Variants in GATA4 observed in about 807,000 individuals in gnomAD.
GATA4 encodes the protein transcription factor GATA-4.
Under a neutral mutation model 37.9 loss-of-function variants are expected in GATA4, and 7 were observed. The ratio of observed to expected loss-of-function variants is 0.18; its 90% CI spans 0.11 to 0.35. The LOEUF (loss-of-function observed/expected upper bound fraction) is 0.35. GATA4 is among the 10% of genes least tolerant of loss of function. GATA4 has a pLI of 1.00. For missense variants in GATA4, 647 were observed against 653.0 expected (o/e 0.99, Z 0.10); for synonymous variants, 372 against 292.6 (o/e 1.27, Z -2.77).
intron 1 of GATA4, chr8:11,681,448 C>G (rs989791433): frequency 2.0e-6 from 2 of 982,896 alleles, no homozygotes; most frequent in East Asian, 2.3e-4. Flanking sequence ...CCCGCGCAGA[C>G]GCCGGAATCC....
chr8:11,720,360 G>T (rs774127128), intron 2 of GATA4, among the ~76,000 whole-genome samples: 2 of 152,048 alleles, frequency 1.3e-5, no homozygotes, highest in Non-Finnish European at 2.9e-5. Flanking sequence ...TCGAATTCAT[G>T]CTTGCCTGTG....
rs1017390816 is a variant in GATA4 at position 11,681,390 on chromosome 8, C to A, written c.-274+4327C>A. ...AGGTCTCATAAAAACTCCTGGCAGA[C>A]CCTTCCGGGATCACGCGTGGCTCAA... On this transcript the variant is annotated intron_variant, in intron 1 of 6. Transcript: ENST00000528712. 9.1e-6 allele frequency: 9 copies of A among 985,206 alleles called. No homozygotes were observed. In the African/African-American group the frequency reaches 1.4e-4, roughly 15 times the overall value. The allele number at this position is 985,206 out of a possible 1,614,324, so 61.0% of individuals were successfully genotyped here.
intron 2 of GATA4, among the ~76,000 whole-genome samples, chr8:11,735,017 A>T (rs1801389463): frequency 6.6e-6 from 1 of 152,264 alleles, no homozygotes; most frequent in Non-Finnish European, 1.5e-5. Context: ...AATAAAGCAG[A>T]TCCACATGTA....
intron 2 of GATA4, among the ~76,000 whole-genome samples, chr8:11,735,410 G>C (rs1801405376): frequency 6.6e-6 from 1 of 152,290 alleles, no homozygotes. Context: ...AGTGTCCTTT[G>C]TGTTTTTATG....
At chr8:11,681,271 G>A (rs538951884) in intron 1 of GATA4, 160 of 985,314 alleles carry the variant, frequency 1.6e-4, no homozygotes, top group Non-Finnish European at 1.9e-4. Context: ...TGGATTCCCA[G>A]GCCTCCGCAC....
rs374161282 is a variant in GATA4, at chr8:11,750,240, C to A, written c.912+4C>A. The stretch of plus-strand genomic sequence containing the variant: ...CCTCTACATGAAGCTCCACGGGGTA[C>A]GTGGGTCCTGCGCCCATGCGGCATC... On this transcript the variant is annotated splice_donor_region_variant and intron_variant, in intron 4 of 6. Coordinates refer to ENST00000532059, the MANE Select transcript of GATA4 (RefSeq NM_001308093.3). 17 of 1,612,274 alleles carry A rather than the reference C, an allele frequency of 1.1e-5. No individual in the cohort carries two copies. Among genetic ancestry groups the A allele is most frequent in the Non-Finnish European group, 1.4e-5 (16 of 1,180,044 alleles).
chr8:11,683,397 G>T (rs1318922543), intron 1 of GATA4, among the ~76,000 whole-genome samples: 1 of 152,128 alleles, frequency 6.6e-6, no homozygotes, highest in African/African-American at 2.4e-5. Context: ...GTGACTGTTA[G>T]GAAGTAGCAG....
Position 11,704,263 on chromosome 8 carries a change from G to A in GATA4, c.-499G>A, listed in dbSNP as rs1418202668. Reference sequence around the variant, plus strand: ...GGCTTCGTCGCCGCTGCAGCTCCGGGGGCTCCCAGGGGAGCGTGCGCGGAA... The same window carrying A: ...GGCTTCGTCGCCGCTGCAGCTCCGGAGGCTCCCAGGGGAGCGTGCGCGGAA... On this transcript the variant is annotated 5_prime_UTR_variant, in exon 1 of 7. Coordinates refer to ENST00000532059, the MANE Select transcript of GATA4 (RefSeq NM_001308093.3). The A allele has an allele frequency of 6.6e-6, 1 of 152,234 alleles. No individual in the cohort carries two copies. The highest frequency in any genetic ancestry group is 1.9e-4 in the East Asian group (1 of 5,172). 9.4% of individuals were successfully genotyped at this position (152,234 alleles called of 1,614,324 possible). A position where few individuals can be genotyped will look rare whatever the true frequency, so the allele number is the denominator to read the frequency against.
At chr8:11,699,337 C>G (rs1334476829), upstream of GATA4, among the ~76,000 whole-genome samples, 1 of 152,256 alleles carries the variant, frequency 6.6e-6, no homozygotes, top group Non-Finnish European at 1.5e-5. Context: ...AAGTCTCTAA[C>G]TGGGGAGTAG....
At chr8:11,737,559 C>T (rs1173126295) in intron 2 of GATA4, among the ~76,000 whole-genome samples, 1 of 152,226 alleles carries the variant, frequency 6.6e-6, no homozygotes, top group African/African-American at 2.4e-5. Flanking sequence ...TAAAAGAAAC[C>T]AGGACCATAT....
intron 2 of GATA4, among the ~76,000 whole-genome samples, chr8:11,742,172 C>T (rs66494852): frequency 0.29 from 44,358 of 152,030 alleles, 8,043 homozygotes; most frequent in Non-Finnish European, 0.4. Flanking sequence ...GCCGCTGGGG[C>T]CCAGGGTGTC....
intron 2 of GATA4, among the ~76,000 whole-genome samples, chr8:11,725,382 C>A (rs902332753): frequency 6.6e-6 from 1 of 152,236 alleles, no homozygotes. Context: ...GTTGAAGCCC[C>A]GTGCATCACG....
At chr8:11,688,904 G>A (rs1204094855), upstream of GATA4, among the ~76,000 whole-genome samples, 3 of 152,210 alleles carry the variant, frequency 2.0e-5, no homozygotes, top group Non-Finnish European at 4.4e-5. Flanking sequence ...TGTAATGTCT[G>A]CAGAAAATGA....
intron 1 of GATA4, chr8:11,697,503 A>C: frequency 5.3e-6 from 5 of 940,178 alleles, no homozygotes; most frequent in Non-Finnish European, 6.3e-6. Context: ...CTCGGTGGGC[A>C]CCTGCTGCAG....
At chr8:11,754,298 C>T (rs570351744) in intron 4 of GATA4, among the ~76,000 whole-genome samples, 1 of 152,326 alleles carries the variant, frequency 6.6e-6, no homozygotes, top group South Asian at 2.1e-4. Flanking sequence ...CTTGCTGGAG[C>T]CTCGACTTCC....
chr8:11,737,176 C>G (rs188492581), intron 2 of GATA4, among the ~76,000 whole-genome samples: 11 of 152,024 alleles, frequency 7.2e-5, no homozygotes, highest in Non-Finnish European at 1.2e-4. Context: ...ACAGTCCCCA[C>G]GTATAAATTT....
At chr8:11,714,332 G>C (rs1036425205) in intron 2 of GATA4, among the ~76,000 whole-genome samples, 4 of 152,212 alleles carry the variant, frequency 2.6e-5, no homozygotes, top group African/African-American at 9.6e-5. Context: ...ATTAGGGATG[G>C]AGTGGGGGCA....
At chr8:11,736,497 A>T (rs1801464060) in intron 2 of GATA4, among the ~76,000 whole-genome samples, 1 of 152,068 alleles carries the variant, frequency 6.6e-6, no homozygotes, top group South Asian at 2.1e-4. Flanking sequence ...CCAGGGGCGG[A>T]CCCCGTTCAC....
upstream of GATA4, chr8:11,704,105 G>A (rs912875364): frequency 6.6e-6 from 1 of 152,342 alleles, no homozygotes; most frequent in African/African-American, 2.4e-5. Context: ...GGTGTAGCCG[G>A]GGCCGCGCAC....
Sources: allele counts gnomAD v4.1 joint callset (sites outside exome capture counted in the v4.1 genomes callset), GRCh38; gene constraint gnomAD v4.1.1; transcripts MANE v1.5; gene names NCBI Gene and HGNC (gene_info 2026-07-23, HGNC 2026-07-21).